The following GAREM1 variants were observed in gnomAD, a reference collection of about 807,000 sequenced individuals.
GAREM1 encodes the protein GRB2-associated and regulator of MAPK protein 1.
Under a neutral mutation model 71.3 loss-of-function variants are expected in GAREM1, and 26 were observed. The ratio of observed to expected loss-of-function variants is 0.36; its 90% confidence interval spans 0.27 to 0.51. The LOEUF (loss-of-function observed/expected upper bound fraction) is 0.51. Among genes scored for constraint, GAREM1 ranks in the 20% least tolerant of loss-of-function variants. The pLI, the probability that GAREM1 is intolerant of heterozygous loss-of-function variation, is 0.95. For missense variants in GAREM1, 1,026 were observed against 1,103.1 expected, an observed-to-expected ratio of 0.93 and a Z score of 0.99; for synonymous variants, 440 against 433.2, an observed-to-expected ratio of 1.02 and a Z score of -0.20.
intron 3 of GAREM1, among the ~76,000 whole-genome samples, chr18:32,299,513 CAAAAAAAAA>C (rs57549959): frequency 1.4e-5 from 1 of 69,332 alleles, no homozygotes; most frequent in African/African-American, 4.6e-5. Flanking sequence ...GACCCCATCT[CAAAAAAAAA>C]AAAAAAAAAA....
chr18:32,359,873 C>A (rs1174546292), intron 2 of GAREM1, among the ~76,000 whole-genome samples: 2 of 152,042 alleles, frequency 1.3e-5, no homozygotes, highest in Non-Finnish European at 2.9e-5. Flanking sequence ...CTGCAGTGAG[C>A]TGTGATTGCA....
rs537108348 is a variant in GAREM1, at chr18:32,388,886, T to C, written c.262+4009A>G. Among the ~76,000 whole-genome samples, 159 of 152,164 alleles carry C rather than the reference T, an allele frequency of 1.0e-3. 1 individual carries two copies. Among genetic ancestry groups the C allele is most frequent in the South Asian group, 4.2e-3 (20 of 4,816 alleles). On this transcript the variant is annotated intron_variant, in intron 2 of 5. Coordinates refer to ENST00000269209, the MANE Select transcript of GAREM1 (RefSeq NM_001242409.2). ...ATCAACAAAACTGGAACATGGACAGTAGATTAAAGTATTAAATGTACTGAA... is the reference window on the plus strand; with the variant it reads ...ATCAACAAAACTGGAACATGGACAGCAGATTAAAGTATTAAATGTACTGAA...
At chr18:32,451,081 CTG>C (rs1298859795) in intron 1 of GAREM1, among the ~76,000 whole-genome samples, 1 of 152,108 alleles carries the variant, frequency 6.6e-6, no homozygotes, top group African/African-American at 2.4e-5. Flanking sequence ...GCCTGGGAGG[CTG>C]AGGCTGCAGT....
chr18:32,454,190 A>G (rs1174979845), intron 1 of GAREM1, among the ~76,000 whole-genome samples: 1 of 152,114 alleles, frequency 6.6e-6, no homozygotes, highest in Non-Finnish European at 1.5e-5. Flanking sequence ...GACATTCACA[A>G]AAAGTCCTTG....
intron 1 of GAREM1, among the ~76,000 whole-genome samples, chr18:32,453,102 A>C (rs909295887): frequency 1.6e-4 from 24 of 152,190 alleles, no homozygotes; most frequent in African/African-American, 5.5e-4. Context: ...CCTCACAATC[A>C]TGGTGGAAAG....
chr18:32,337,365 T>C (rs1467179497), intron 2 of GAREM1, among the ~76,000 whole-genome samples: 1 of 152,222 alleles, frequency 6.6e-6, no homozygotes, highest in Non-Finnish European at 1.5e-5. Context: ...GCCAGGACAA[T>C]TCTTTGAAAA....
intron 1 of GAREM1, among the ~76,000 whole-genome samples, chr18:32,455,149 T>C (rs1242521737): frequency 6.6e-6 from 1 of 152,194 alleles, no homozygotes; most frequent in Non-Finnish European, 1.5e-5. Flanking sequence ...GTTTCTCCTG[T>C]ATTTATTCAG....
chr18:32,334,532 C>T (rs758240166), intron 2 of GAREM1, among the ~76,000 whole-genome samples: 32 of 152,106 alleles, frequency 2.1e-4, no homozygotes, highest in Non-Finnish European at 4.0e-4. Flanking sequence ...AGGGAGGCTC[C>T]GGCTTTATGC....
At chr18:32,375,531 G>A (rs1433145003) in intron 2 of GAREM1, among the ~76,000 whole-genome samples, 2 of 152,150 alleles carry the variant, frequency 1.3e-5, no homozygotes, top group East Asian at 3.9e-4. Flanking sequence ...AGAATCACTT[G>A]AGAAACCAAT....
intron 2 of GAREM1, among the ~76,000 whole-genome samples, chr18:32,386,434 C>A (rs2048147784): frequency 6.6e-6 from 1 of 152,192 alleles, no homozygotes; most frequent in South Asian, 2.1e-4. Flanking sequence ...AATTCTTACC[C>A]ATCTTCTGCT....
rs34795598 is a variant in GAREM1, at chr18:32,268,065, T to C, written c.2437A>G (p.Ile813Val). 78,361 of 1,613,936 alleles carry C rather than the reference T, an allele frequency of 0.049. 2,146 individuals are homozygous for C. Among genetic ancestry groups the C allele is most frequent in the East Asian group, 0.059 (2,633 of 44,862 alleles). The part of the protein sequence containing the change: ...QPPADLSGLS[I>V]EEVSKSLRFI... ...CGTAGTGACTTGGACACTTCCTCTA[T>C]AGAGAGTCCTGATAGGTCAGCAGGT... Residue 813 changes from isoleucine to valine, a missense_variant, in exon 6 of 6, where the codon ATA (isoleucine) becomes GTA (valine). Ile to Val is a conservative substitution (Grantham distance 29). Around this residue, in one of 3 missense-constraint regions of GAREM1, gnomAD observed 636 missense variants for 631.2 expected, o/e 1.01. Transcript: ENST00000269209.
intron 1 of GAREM1, among the ~76,000 whole-genome samples, chr18:32,422,586 A>G (rs1266074771): frequency 6.6e-6 from 1 of 152,226 alleles, no homozygotes; most frequent in African/African-American, 2.4e-5. Context: ...CTCCAAATTC[A>G]GGATGAGAGC....
At chr18:32,461,946 C>T (rs2048957079) in intron 1 of GAREM1, among the ~76,000 whole-genome samples, 1 of 152,142 alleles carries the variant, frequency 6.6e-6, no homozygotes. Flanking sequence ...TCTACAAGAA[C>T]TTGCTATTTC....
At chr18:32,425,220 A>T (rs995373224) in intron 1 of GAREM1, among the ~76,000 whole-genome samples, 17 of 152,150 alleles carry the variant, frequency 1.1e-4, no homozygotes, top group African/African-American at 3.9e-4. Context: ...AAAAATATAT[A>T]TTTTTTCCAC....
intron 1 of GAREM1, among the ~76,000 whole-genome samples, chr18:32,456,037 AC>A (rs1177852800): frequency 6.6e-6 from 1 of 152,108 alleles, no homozygotes; most frequent in Non-Finnish European, 1.5e-5. Flanking sequence ...AAAAGAATTA[AC>A]CTTCCTACAA....
At chr18:32,365,668 G>C (rs997668697) in intron 2 of GAREM1, among the ~76,000 whole-genome samples, 2 of 152,088 alleles carry the variant, frequency 1.3e-5, no homozygotes, top group Non-Finnish European at 2.9e-5. Flanking sequence ...CTCATTTTAG[G>C]ATTTGCCCTG....
At chr18:32,328,568 G>C (rs946675865) in intron 2 of GAREM1, among the ~76,000 whole-genome samples, 3 of 152,268 alleles carry the variant, frequency 2.0e-5, no homozygotes, top group Admixed American at 2.0e-4. Flanking sequence ...AGCCTTCTGA[G>C]TCATTTTAAT....
At chr18:32,352,074 T>C (rs1175404492) in intron 2 of GAREM1, among the ~76,000 whole-genome samples, 1 of 152,178 alleles carries the variant, frequency 6.6e-6, no homozygotes, top group Non-Finnish European at 1.5e-5. Flanking sequence ...TTTCTTTCTC[T>C]TCACCTCCAA....
intron 1 of GAREM1, among the ~76,000 whole-genome samples, chr18:32,404,714 T>C (rs1025339143): frequency 3.3e-5 from 5 of 152,120 alleles, no homozygotes; most frequent in African/African-American, 4.8e-5. Flanking sequence ...ATATGACAGA[T>C]TTATTTTTCT....
Sources: allele counts gnomAD v4.1 joint callset (sites outside exome capture counted in the v4.1 genomes callset), GRCh38; gene constraint gnomAD v4.1.1; regional missense constraint gnomAD v4.1.1; transcripts MANE v1.5; gene names NCBI Gene and HGNC (gene_info 2026-07-23, HGNC 2026-07-21).